PACS1: variants seen among roughly 807,000 people sequenced by gnomAD.
The protein encoded by PACS1 is PACS-1.
In PACS1, 24 loss-of-function variants were observed where a neutral mutation model predicts 115.0. The observed-to-expected ratio is 0.21, with a 90% CI of 0.15 to 0.29. PACS1 has a LOEUF of 0.29. Among genes scored for constraint, PACS1 ranks in the 10% least tolerant of loss-of-function variants. The pLI is 1.00. For synonymous variants in PACS1, 453 were observed against 504.5 expected (o/e 0.90, Z 1.37); for missense variants, 838 against 1,251.2 (o/e 0.67, Z 4.98).
chr11:66,132,567 A>T (rs976209800), intron 1 of PACS1, among the ~76,000 whole-genome samples: 2 of 152,168 alleles, frequency 1.3e-5, no homozygotes, highest in Non-Finnish European at 2.9e-5. Flanking sequence ...ATGCTATGTA[A>T]ATTGTTGTTA....
At chr11:66,097,712 T>C (rs1857817737) in intron 1 of PACS1, among the ~76,000 whole-genome samples, 1 of 152,226 alleles carries the variant, frequency 6.6e-6, no homozygotes, top group African/African-American at 2.4e-5. Context: ...CCTGTTGCCC[T>C]GTATCTCCAC....
intron 2 of PACS1, among the ~76,000 whole-genome samples, chr11:66,203,126 ATAAC>A (rs1439408258): frequency 1.3e-5 from 2 of 152,192 alleles, no homozygotes. Flanking sequence ...ACTTCACAAA[ATAAC>A]TATTAGAACT....
chr11:66,200,059 AC>A (rs1462617336), intron 2 of PACS1, among the ~76,000 whole-genome samples: 3 of 150,828 alleles, frequency 2.0e-5, no homozygotes, highest in East Asian at 1.9e-4. Flanking sequence ...AAAAAAAAAA[AC>A]AAGACCCAGC....
chr11:66,210,547 C>T (rs553501570), intron 3 of PACS1, 96 bp downstream of exon 3: 4 of 926,656 alleles, frequency 4.3e-6, no homozygotes, highest in Admixed American at 1.9e-5. Context: ...CCAGAGCCCC[C>T]ATTCCCCAAC....
intron 1 of PACS1, among the ~76,000 whole-genome samples, chr11:66,084,932 GGAT>G (rs1421887193): frequency 6.6e-6 from 1 of 152,092 alleles, no homozygotes; most frequent in African/African-American, 2.4e-5. Flanking sequence ...TTAAAAACCT[GGAT>G]GAGTTCTTCT....
In PACS1 at chr11:66,243,178, G is replaced by T; in HGVS notation, c.2790G>T (p.Gly930=). 6.2e-7 allele frequency: 1 copy of T among 1,613,620 alleles called. No homozygotes were observed. The highest frequency in any genetic ancestry group is 1.1e-5 in the South Asian group (1 of 91,024). Residue 930 remains glycine (G), a synonymous_variant, in exon 24 of 24, where the codon GGG becomes GGT. Coordinates refer to ENST00000320580, the MANE Select transcript of PACS1 (RefSeq NM_018026.4). The part of the protein sequence containing the change: ...QQTMLRVSID[G]VEWSDIKFFQ... The stretch of plus-strand genomic sequence containing the variant: ...TGTCACCCCTAGTGTCCATCGATGG[G>T]GTCGAGTGGAGTGACATCAAGTTCT...
At chr11:66,109,671 C>T (rs1590750411) in intron 1 of PACS1, among the ~76,000 whole-genome samples, 2 of 152,158 alleles carry the variant, frequency 1.3e-5, no homozygotes, top group East Asian at 3.8e-4. Flanking sequence ...TTTCAACAGC[C>T]AGTGACTTTT....
intron 7 of PACS1, chr11:66,217,365 G>C (rs1346937835): frequency 3.0e-6 from 1 of 336,212 alleles, no homozygotes; most frequent in African/African-American, 2.2e-5. Flanking sequence ...GAACTAAGAA[G>C]CTAAAAACCT....
chr11:66,086,601 A>C (rs967075169), intron 1 of PACS1, among the ~76,000 whole-genome samples: 1 of 152,132 alleles, frequency 6.6e-6, no homozygotes, highest in Non-Finnish European at 1.5e-5. Context: ...AATTAGAAAA[A>C]CAAAAGCAAA....
chr11:66,195,722 C>A (rs1244955878), intron 2 of PACS1, among the ~76,000 whole-genome samples: 1 of 152,172 alleles, frequency 6.6e-6, no homozygotes, highest in Non-Finnish European at 1.5e-5. Context: ...TTTATGCATT[C>A]ATATAATAAA....
intron 2 of PACS1, among the ~76,000 whole-genome samples, chr11:66,207,101 A>C (rs1854958557): frequency 6.6e-6 from 1 of 152,132 alleles, no homozygotes; most frequent in South Asian, 2.1e-4. Context: ...ACATCATAAC[A>C]TTTCACCCAC....
At chr11:66,112,015 A>G (rs1241165692) in intron 1 of PACS1, among the ~76,000 whole-genome samples, 3 of 151,954 alleles carry the variant, frequency 2.0e-5, no homozygotes, top group Admixed American at 6.6e-5. Context: ...AACCCTTCCC[A>G]TCCCCCGTGG....
intron 1 of PACS1, among the ~76,000 whole-genome samples, chr11:66,170,917 A>G (rs1859721758): frequency 6.7e-6 from 1 of 150,036 alleles, no homozygotes; most frequent in Admixed American, 6.6e-5. Context: ...CTCAAAAAAA[A>G]AAAAAAAAGG....
chr11:66,203,696 T>C (rs940534999), intron 2 of PACS1, among the ~76,000 whole-genome samples: 1 of 151,960 alleles, frequency 6.6e-6, no homozygotes, highest in African/African-American at 2.4e-5. Flanking sequence ...TAGCAATAAA[T>C]CCATACATCT....
chr11:66,242,678 C>T (rs1590845351), intron 22 of PACS1, among the ~76,000 whole-genome samples: 2 of 152,134 alleles, frequency 1.3e-5, no homozygotes, highest in East Asian at 1.9e-4. Context: ...ACTGAACAGG[C>T]GAAGATATCG....
At chr11:66,125,730 A>C (rs1858555700) in intron 1 of PACS1, among the ~76,000 whole-genome samples, 1 of 152,156 alleles carries the variant, frequency 6.6e-6, no homozygotes, top group Non-Finnish European at 1.5e-5. Context: ...AATTGAAGAA[A>C]ATCAGTCCTG....
chr11:66,239,849 A>G (rs1449151821), intron 21 of PACS1, among the ~76,000 whole-genome samples: 1 of 152,222 alleles, frequency 6.6e-6, no homozygotes, highest in Non-Finnish European at 1.5e-5. Flanking sequence ...GCCACCTTGC[A>G]GGACTGTGGA....
At position 66,239,331 on chromosome 11, in the gene PACS1, C is replaced by G; in HGVS notation, c.2429+54C>G. On this transcript the variant is annotated intron_variant, in intron 21 of 23. Transcript: ENST00000320580. ...CATGCCCTCCATCAGGCCCACCCGGCTGATTCCAGTGACAGGCGCATGGGC... is the reference window on the plus strand; with the variant it reads ...CATGCCCTCCATCAGGCCCACCCGGGTGATTCCAGTGACAGGCGCATGGGC... 2.6e-6 allele frequency: 4 copies of G among 1,565,984 alleles called. No individual in the cohort carries two copies. The South Asian group carries it at 4.6e-5, about 18-fold the overall frequency.
chr11:66,157,859 A>C (rs1859396877), intron 1 of PACS1, among the ~76,000 whole-genome samples: 1 of 151,194 alleles, frequency 6.6e-6, no homozygotes. Context: ...AAAAAAAAAA[A>C]CCTAACATGG....
Sources: allele counts gnomAD v4.1 joint callset (sites outside exome capture counted in the v4.1 genomes callset), GRCh38; gene constraint gnomAD v4.1.1; transcripts MANE v1.5; gene names NCBI Gene and HGNC (gene_info 2026-07-23, HGNC 2026-07-21).